The following TRPC4 variants were observed in gnomAD, a reference collection of about 807,000 sequenced individuals.
The protein encoded by TRPC4 is short transient receptor potential channel 4.
In TRPC4, 49 loss-of-function variants were observed where a neutral mutation model predicts 99.4. The ratio of observed to expected loss-of-function variants is 0.49; its 90% CI spans 0.39 to 0.63. The LOEUF (loss-of-function observed/expected upper bound fraction) is 0.63. Ranked by LOEUF, TRPC4 falls within the 20% of genes least tolerant of loss-of-function variation. The pLI is 0.00. For synonymous variants in TRPC4, 454 were observed against 425.9 expected, an observed-to-expected ratio of 1.07 and a Z score of -0.81; for missense variants, 898 against 1,152.9, an observed-to-expected ratio of 0.78 and a Z score of 3.20.
At chr13:37,836,935 G>A (rs575024545) in intron 1 of TRPC4, among the ~76,000 whole-genome samples, 12 of 152,174 alleles carry the variant, frequency 7.9e-5, no homozygotes, top group Non-Finnish European at 1.6e-4. Context: ...CAGAGTCGCT[G>A]TGCTGTGTGC....
intron 3 of TRPC4, among the ~76,000 whole-genome samples, chr13:37,694,851 A>T (rs891494678): frequency 6.6e-6 from 1 of 152,168 alleles, no homozygotes; most frequent in East Asian, 1.9e-4. Context: ...ATTTGATCCA[A>T]TCATAGGATT....
intron 5 of TRPC4, among the ~76,000 whole-genome samples, chr13:37,673,354 G>A (rs1383915885): frequency 6.6e-6 from 1 of 151,990 alleles, no homozygotes; most frequent in Admixed American, 6.6e-5. Flanking sequence ...GAAGCAGAAG[G>A]CATTATTTTA....
intron 2 of TRPC4, among the ~76,000 whole-genome samples, chr13:37,765,589 G>T (rs1205740282): frequency 1.3e-5 from 2 of 151,310 alleles, no homozygotes; most frequent in African/African-American, 4.8e-5. Flanking sequence ...GAATTTTAGA[G>T]TGTATATTAA....
intron 3 of TRPC4, among the ~76,000 whole-genome samples, chr13:37,727,790 A>G (rs191704229): frequency 7.9e-5 from 12 of 152,224 alleles, no homozygotes; most frequent in Admixed American, 3.3e-4. Context: ...AACAGATTGG[A>G]TAACTTAAAT....
At chr13:37,772,500 T>C (rs1371252965) in intron 2 of TRPC4, among the ~76,000 whole-genome samples, 1 of 151,764 alleles carries the variant, frequency 6.6e-6, no homozygotes, top group East Asian at 2.0e-4. Flanking sequence ...CATGTGTATA[T>C]ATATATAAAT....
chr13:37,736,895 A>AT (rs34176145), intron 3 of TRPC4, among the ~76,000 whole-genome samples: 6,288 of 127,698 alleles, frequency 0.049, 280 homozygotes, highest in African/African-American at 0.11. Flanking sequence ...TGCCTGGCTA[A>AT]TTTTTTTTTT....
At chr13:37,684,808 C>T (rs1174921057) in intron 4 of TRPC4, among the ~76,000 whole-genome samples, 1 of 118,592 alleles carries the variant, frequency 8.4e-6, no homozygotes, top group Non-Finnish European at 2.1e-5. Flanking sequence ...CACACACACA[C>T]ACACACACAC....
At chr13:37,654,951 T>A in intron 7 of TRPC4, 137 bp downstream of exon 7, 1 of 669,996 alleles carries the variant, frequency 1.5e-6, no homozygotes, top group East Asian at 3.4e-5. Flanking sequence ...AAATTTCAAA[T>A]TAACCATTTA....
chr13:37,728,826 A>G (rs73168458), intron 3 of TRPC4, among the ~76,000 whole-genome samples: 2,914 of 152,226 alleles, frequency 0.019, 35 homozygotes, highest in South Asian at 0.075. Context: ...GGCAAAAAAA[A>G]CCAGACATAA....
intron 4 of TRPC4, among the ~76,000 whole-genome samples, 180 bp downstream of exon 4, chr13:37,691,819 C>T (rs951999554): frequency 3.9e-5 from 6 of 152,134 alleles, no homozygotes; most frequent in African/African-American, 7.2e-5. Flanking sequence ...ATTTTGTAAG[C>T]GGGTCCACCG....
At chr13:37,753,038 G>A (rs1284248509) in intron 2 of TRPC4, among the ~76,000 whole-genome samples, 2 of 151,712 alleles carry the variant, frequency 1.3e-5, no homozygotes, top group Non-Finnish European at 2.9e-5. Context: ...TGATTTTAAT[G>A]TAAGAACTCA....
chr13:37,774,824 G>T (rs1237423511), intron 2 of TRPC4, among the ~76,000 whole-genome samples: 4 of 151,420 alleles, frequency 2.6e-5, no homozygotes, highest in African/African-American at 4.8e-5. Flanking sequence ...AGAAAGAAAG[G>T]GTATGTTGAA....
At position 37,768,825 on chromosome 13, in the gene TRPC4, T is replaced by C. The variant is rs915689922; in HGVS notation, c.378+14131A>G. Among the ~76,000 whole-genome samples the C allele has an allele frequency of 5.3e-5, 8 of 151,448 alleles. No homozygotes were observed. The East Asian group carries it at 5.9e-4, about 11-fold the overall frequency. On this transcript the variant is annotated intron_variant, in intron 2 of 10. Transcript: ENST00000379705. ...CCTAGGAAGAAGCAAAGACTCCCAG[T>C]AGAGTGCCAGTACATTGAAAAACAA...
intron 1 of TRPC4, among the ~76,000 whole-genome samples, chr13:37,792,775 A>G (rs1310429301): frequency 7.6e-6 from 1 of 131,974 alleles, no homozygotes; most frequent in Non-Finnish European, 1.8e-5. Context: ...GGATGTGCAA[A>G]CAAAAAAAAA....
chr13:37,720,327 G>C (rs987205550), intron 3 of TRPC4, among the ~76,000 whole-genome samples: 7 of 152,088 alleles, frequency 4.6e-5, no homozygotes, highest in Non-Finnish European at 1.0e-4. Context: ...AAGGTGAAAA[G>C]GTATAGCTAT....
chr13:37,724,094 TC>T (rs1954959555), intron 3 of TRPC4, among the ~76,000 whole-genome samples: 1 of 152,146 alleles, frequency 6.6e-6, no homozygotes, highest in Admixed American at 6.5e-5. Flanking sequence ...ATTTATGAAT[TC>T]CATATATCAC....
intron 1 of TRPC4, among the ~76,000 whole-genome samples, chr13:37,786,259 A>G (rs981569242): frequency 6.6e-6 from 1 of 150,798 alleles, no homozygotes; most frequent in African/African-American, 2.4e-5. Context: ...AATATTTACA[A>G]TGGAATCTAA....
At chr13:37,805,859 G>A (rs545996539) in intron 1 of TRPC4, among the ~76,000 whole-genome samples, 1 of 151,982 alleles carries the variant, frequency 6.6e-6, no homozygotes, top group African/African-American at 2.4e-5. Context: ...AGTTTTTCTT[G>A]ATGTCTTTAC....
intron 3 of TRPC4, among the ~76,000 whole-genome samples, chr13:37,725,852 A>G (rs955503784): frequency 6.6e-6 from 1 of 152,186 alleles, no homozygotes; most frequent in African/African-American, 2.4e-5. Flanking sequence ...GACATTAGAC[A>G]GTAGCACAAA....
Sources: gnomAD v4.1 joint callset for allele counts (sites outside exome capture counted in the v4.1 genomes callset) on GRCh38, gnomAD v4.1.1 for gene constraint, MANE v1.5 for transcripts, NCBI Gene and HGNC (gene_info 2026-07-23, HGNC 2026-07-21) for gene names.